FOXN3: variants seen among roughly 807,000 people sequenced by gnomAD.
FOXN3 encodes forkhead box N3, also known as forkhead box protein N3.
FOXN3 carries 7 observed loss-of-function variants against 38.4 expected under a neutral mutation model. The observed-to-expected ratio is 0.18, with a 90% CI of 0.10 to 0.34. The LOEUF (loss-of-function observed/expected upper bound fraction) is 0.34. Among genes scored for constraint, FOXN3 ranks in the 10% least tolerant of loss-of-function variants. The pLI, the probability that FOXN3 is intolerant of heterozygous loss-of-function variation, is 1.00. For synonymous variants in FOXN3, 230 were observed against 242.2 expected (o/e 0.95, Z 0.47); for missense variants, 456 against 613.4 (o/e 0.74, Z 2.71).
At chr14:89,434,827 C>T (rs1892241090) in intron 1 of FOXN3, among the ~76,000 whole-genome samples, 1 of 152,200 alleles carries the variant, frequency 6.6e-6, no homozygotes, top group Admixed American at 6.5e-5. Context: ...TGACAAGAAA[C>T]CATTTTCAAA....
chr14:89,550,561 A>G (rs1685080237), intron 1 of FOXN3, among the ~76,000 whole-genome samples: 1 of 152,196 alleles, frequency 6.6e-6, no homozygotes, highest in Non-Finnish European at 1.5e-5. Flanking sequence ...AAAGAGAGAC[A>G]GATGCCCTTG....
chr14:89,446,431 C>T (rs1029446617), intron 1 of FOXN3, among the ~76,000 whole-genome samples: 1 of 151,974 alleles, frequency 6.6e-6, no homozygotes, highest in East Asian at 1.9e-4. Flanking sequence ...TCAAGTGACC[C>T]GCCTGTCTTG....
At chr14:89,281,156 G>A in intron 3 of FOXN3, 142 bp from the exon 4 acceptor site, 1 of 688,676 alleles carries the variant, frequency 1.5e-6, no homozygotes. Flanking sequence ...AAACCATGAG[G>A]TCTGCTTTAT....
chr14:89,236,144 A>C (rs907064491), intron 4 of FOXN3, among the ~76,000 whole-genome samples: 3 of 152,192 alleles, frequency 2.0e-5, no homozygotes, highest in African/African-American at 7.2e-5. Flanking sequence ...AAGGAGAAGC[A>C]CATCTCCCTA....
At chr14:89,349,405 A>C (rs1199760875) in intron 3 of FOXN3, 2 of 152,234 alleles carry the variant, frequency 1.3e-5, no homozygotes, top group African/African-American at 2.4e-5. Flanking sequence ...CTTCCCCCCC[A>C]CACACCAAAC....
At chr14:89,598,449 T>C (rs901246496) in intron 1 of FOXN3, among the ~76,000 whole-genome samples, 1 of 152,136 alleles carries the variant, frequency 6.6e-6, no homozygotes, top group South Asian at 2.1e-4. Context: ...TATTTATTCA[T>C]TTATTTTTAT....
chr14:89,221,631 C>T (rs557437869), intron 4 of FOXN3, among the ~76,000 whole-genome samples: 2 of 152,310 alleles, frequency 1.3e-5, no homozygotes, highest in South Asian at 4.1e-4. Context: ...GATCAAAGGC[C>T]TTTGTCAGAC....
intron 1 of FOXN3, among the ~76,000 whole-genome samples, chr14:89,446,724 C>T (rs1020360439): frequency 1.3e-5 from 2 of 152,234 alleles, no homozygotes; most frequent in Non-Finnish European, 2.9e-5. Context: ...TTCACACCTA[C>T]CAGGTGCCTG....
chr14:89,235,758 G>A (rs573550618), intron 4 of FOXN3, among the ~76,000 whole-genome samples: 1 of 152,300 alleles, frequency 6.6e-6, no homozygotes, highest in South Asian at 2.1e-4. Context: ...GACCCGCTGT[G>A]GTTGTCTGTG....
intron 2 of FOXN3, among the ~76,000 whole-genome samples, chr14:89,364,215 T>G (rs1596228800): frequency 6.6e-6 from 1 of 150,926 alleles, no homozygotes; most frequent in Admixed American, 6.6e-5. Flanking sequence ...TTATTGTCTA[T>G]TCCCATAACA....
intron 2 of FOXN3, among the ~76,000 whole-genome samples, chr14:89,387,939 T>G (rs1355813028): frequency 6.6e-6 from 1 of 152,206 alleles, no homozygotes; most frequent in Non-Finnish European, 1.5e-5. Flanking sequence ...TCCCAGCACT[T>G]GGGGCAGCCC....
intron 1 of FOXN3, among the ~76,000 whole-genome samples, chr14:89,505,835 T>G (rs1164700485): frequency 6.7e-6 from 1 of 148,826 alleles, no homozygotes; most frequent in African/African-American, 2.5e-5. Context: ...GTGAGGAGCG[T>G]CTCTGCCCGG....
intron 3 of FOXN3, among the ~76,000 whole-genome samples, chr14:89,318,774 C>A (rs1293243802): frequency 6.6e-6 from 1 of 152,204 alleles, no homozygotes; most frequent in Non-Finnish European, 1.5e-5. Context: ...GTGGAGCTGA[C>A]CACTCAAATC....
chr14:89,289,476 C>T (rs553593358), intron 3 of FOXN3, among the ~76,000 whole-genome samples: 5 of 152,242 alleles, frequency 3.3e-5, no homozygotes, highest in South Asian at 2.1e-4. Context: ...GGCAACACTG[C>T]GAGGTACTAC....
chr14:89,454,903 G>A (rs998436124), intron 1 of FOXN3, among the ~76,000 whole-genome samples: 1 of 152,140 alleles, frequency 6.6e-6, no homozygotes, highest in African/African-American at 2.4e-5. Flanking sequence ...AGAAGGAGAG[G>A]GAGTGGGGAT....
intron 4 of FOXN3, among the ~76,000 whole-genome samples, chr14:89,265,373 G>A (rs566900040): frequency 7.2e-5 from 11 of 152,216 alleles, no homozygotes; most frequent in African/African-American, 2.4e-4. Context: ...GGTGGCTGCC[G>A]GCAGCCCCTG....
Position 89,391,070 on chromosome 14 carries a change from T to A in FOXN3, c.543+20864A>T, listed in dbSNP as rs145656810. On this transcript the variant is annotated intron_variant, in intron 2 of 5. Transcript: ENST00000557258. ...CCGGCATACAGAAAACTGTCTTTCC[T>A]TATTTATGTGTGGTCTTCCGAGGCC... is the stretch of plus-strand genomic sequence containing the variant. Among the ~76,000 whole-genome samples the A allele has an allele frequency of 2.1e-3, 315 of 152,296 alleles. 2 individuals carry two copies. Among genetic ancestry groups the A allele is most frequent in the South Asian group, 3.9e-3 (19 of 4,820 alleles).
chr14:89,218,916 T>A lies in FOXN3; in HGVS notation c.746-38110A>T, dbSNP rs556688954. 1.1e-4 allele frequency among the ~76,000 whole-genome samples: 17 copies of A among 152,350 alleles called. No homozygotes were observed. The East Asian group carries it at 3.3e-3, about 29-fold the overall frequency. ...CCTTTGTTTCTATACACAAACTCTATTCTCAATTCAGCACCCGCTAAGACT... is the reference window on the plus strand; with the variant it reads ...CCTTTGTTTCTATACACAAACTCTAATCTCAATTCAGCACCCGCTAAGACT... On this transcript the variant is annotated intron_variant, in intron 4 of 5. Transcript: ENST00000557258.
At chr14:89,378,430 T>C (rs550186773) in intron 2 of FOXN3, among the ~76,000 whole-genome samples, 1 of 152,326 alleles carries the variant, frequency 6.6e-6, no homozygotes, top group East Asian at 1.9e-4. Flanking sequence ...GATGATATCC[T>C]GGGAGAGATG....
Sources: allele counts gnomAD v4.1 joint callset (sites outside exome capture counted in the v4.1 genomes callset), GRCh38; gene constraint gnomAD v4.1.1; transcripts MANE v1.5; gene names NCBI Gene and HGNC (gene_info 2026-07-23, HGNC 2026-07-21).